The following ZNF292 variants were observed in gnomAD, a reference collection of about 807,000 sequenced individuals.
ZNF292 encodes zinc finger protein 292.
Under a neutral mutation model 217.9 loss-of-function variants are expected in ZNF292, and 26 were observed. That is an observed-to-expected ratio of 0.12 (90% CI 0.09 to 0.17). The LOEUF (loss-of-function observed/expected upper bound fraction) is 0.17, where lower values mean the gene tolerates loss of function less well. Among genes scored for constraint, ZNF292 ranks in the 10% least tolerant of loss-of-function variants. ZNF292 has a pLI of 1.00. For missense variants in ZNF292, 2,904 were observed against 3,175.2 expected (o/e 0.91, Z 2.05); for synonymous variants, 1,257 against 1,124.1 (o/e 1.12, Z -2.37).
chr6:87,228,143 T>G (rs1320526285), intron 4 of ZNF292, among the ~76,000 whole-genome samples: 1 of 152,226 alleles, frequency 6.6e-6, no homozygotes, highest in Non-Finnish European at 1.5e-5. Flanking sequence ...CTACTGGGTG[T>G]GAGGTGATAT....
At position 87,257,921 on chromosome 6, in the gene ZNF292, C is replaced by G. The variant is rs980777319; in HGVS notation, c.4292C>G (p.Ala1431Gly). The G allele has an allele frequency of 4.3e-6, 7 of 1,613,774 alleles. No individual in the cohort carries two copies. The highest frequency in any genetic ancestry group is 5.9e-6 in the Non-Finnish European group (7 of 1,179,834). ...GCCAGCATGATTCTCTCCACAAATG[C>G]AGTAAATTTGCAGCAGCCACAACAA... is the stretch of plus-strand genomic sequence containing the variant. ...LLASMILSTNAVNLQQPQQST... is the reference protein window; with the variant it reads ...LLASMILSTNGVNLQQPQQST... The change falls in exon 8 of 8, where the codon GCA becomes GGA. Residue 1431 changes from alanine (A) to glycine (G), a missense_variant. By Grantham distance (60) the Ala-to-Gly change is moderately conservative. This residue lies in a region of ZNF292 where 622 missense variants were observed against 573.1 expected (regional missense o/e 1.09). Coordinates refer to ENST00000369577, the MANE Select transcript of ZNF292 (RefSeq NM_015021.3).
intron 1 of ZNF292, among the ~76,000 whole-genome samples, chr6:87,166,774 G>T (rs1770929439): frequency 6.6e-6 from 1 of 152,172 alleles, no homozygotes; most frequent in Non-Finnish European, 1.5e-5. Flanking sequence ...AAATATGTAT[G>T]CATTTGTTGC....
chr6:87,260,387 A>G lies in ZNF292; in HGVS notation c.6758A>G (p.Asp2253Gly), dbSNP rs370019013. ...IGLRASKTEE[D>G]GVYKCDCEGC... is the part of the protein sequence containing the mutation. The stretch of plus-strand genomic sequence containing the variant: ...CTAAGGGCAAGTAAAACAGAAGAAG[A>G]TGGTGTATACAAATGTGATTGTGAA... Residue 2253 changes from aspartate (D) to glycine (G), a missense_variant, in exon 8 of 8, where the codon GAT (aspartate) becomes GGT (glycine). This residue lies in a region of ZNF292 where 55 missense variants were observed against 99.8 expected (regional missense o/e 0.55). Transcript: ENST00000369577. 7 of 1,613,456 alleles carry G rather than the reference A, an allele frequency of 4.3e-6. No individual in the cohort carries two copies. The African/African-American group carries it at 9.3e-5, about 22-fold the overall frequency.
At chr6:87,225,936 T>C (rs981047734) in intron 4 of ZNF292, among the ~76,000 whole-genome samples, 1 of 152,210 alleles carries the variant, frequency 6.6e-6, no homozygotes, top group Admixed American at 6.5e-5. Flanking sequence ...GAGTTAGGTG[T>C]CATCTTGGGT....
Position 87,259,573 on chromosome 6 carries a change from TTAAAAA to T in ZNF292, c.5946_5951del (p.Leu1982_Ile1984delinsPhe). 6.3e-7 allele frequency: 1 copy of T among 1,577,082 alleles called. No individual in the cohort carries two copies. Among genetic ancestry groups the T allele is most frequent in the East Asian group, 2.3e-5 (1 of 43,208 alleles). On this transcript the variant is annotated inframe_deletion, in exon 8 of 8. Transcript: ENST00000369577. ...TTTTACAACTGAAGAAATGGTAAAG[TTAAAAA>T]TTAAAAGGCCTTATGGAAGAAAATC...
chr6:87,175,825 A>T lies in ZNF292; in HGVS notation c.168+20066A>T, dbSNP rs143372082. ...AGTTTGGGGCTTTTGGAAAATCAGA[A>T]GATCTGGCAATATTGAACTGATGCC... On this transcript the variant is annotated intron_variant, in intron 1 of 7. Coordinates refer to ENST00000369577, the MANE Select transcript of ZNF292 (RefSeq NM_015021.3). Among the ~76,000 whole-genome samples the T allele has an allele frequency of 6.7e-3, 1,028 of 152,340 alleles. 10 individuals carry two copies. Among genetic ancestry groups the T allele is most frequent in the African/African-American group, 0.023 (960 of 41,566 alleles).
intron 1 of ZNF292, among the ~76,000 whole-genome samples, chr6:87,158,902 C>T (rs1332412486): frequency 2.6e-5 from 4 of 152,136 alleles, no homozygotes; most frequent in Admixed American, 6.5e-5. Context: ...GATAGTCACA[C>T]GCTTCAAGAA....
chr6:87,253,735 AATAGAGGCCCT>A (rs1220923530), intron 7 of ZNF292, among the ~76,000 whole-genome samples: 14 of 152,142 alleles, frequency 9.2e-5, no homozygotes, highest in African/African-American at 3.4e-4. Context: ...ACTTAATGAA[AATAGAGGCCCT>A]ATCAGTTCTC....
chr6:87,254,148 G>A (rs569102017), intron 7 of ZNF292, among the ~76,000 whole-genome samples: 4 of 152,266 alleles, frequency 2.6e-5, no homozygotes, highest in African/African-American at 9.6e-5. Flanking sequence ...TTGGAAATAT[G>A]GGGATGTTCT....
In ZNF292 at chr6:87,217,912, TC is replaced by T. The variant is rs199964269; in HGVS notation, c.403-683del. 3.6e-3 allele frequency among the ~76,000 whole-genome samples: 551 copies of T among 152,274 alleles called. 2 individuals carry two copies. The highest frequency in any genetic ancestry group is 0.013 in the African/African-American group (530 of 41,584). ...CCTGTGTTTTAACTATTTAAACATT[TC>T]TTTACCCAGAGGATAAGCCCCATAA... On this transcript the variant is annotated intron_variant, in intron 3 of 7. Transcript: ENST00000369577.
chr6:87,160,497 G>C (rs1010091665), intron 1 of ZNF292, among the ~76,000 whole-genome samples: 5 of 120,038 alleles, frequency 4.2e-5, no homozygotes, highest in Non-Finnish European at 5.4e-5. Context: ...ATATATGTGT[G>C]TGTGTGTGTG....
chr6:87,170,757 A>G (rs1771072361), intron 1 of ZNF292, among the ~76,000 whole-genome samples: 1 of 152,210 alleles, frequency 6.6e-6, no homozygotes, highest in South Asian at 2.1e-4. Context: ...CCCATTAGAT[A>G]CTGTGAATTA....
At chr6:87,252,037 AAAAGGCTC>A (rs1237271036) in intron 7 of ZNF292, among the ~76,000 whole-genome samples, 1 of 152,214 alleles carries the variant, frequency 6.6e-6, no homozygotes, top group African/African-American at 2.4e-5. Flanking sequence ...ATTCCTGGAG[AAAAGGCTC>A]AATATTCATA....
At chr6:87,242,312 A>G (rs1774333185) in intron 5 of ZNF292, among the ~76,000 whole-genome samples, 1 of 152,158 alleles carries the variant, frequency 6.6e-6, no homozygotes, top group African/African-American at 2.4e-5. Flanking sequence ...GTAATCATTT[A>G]TGTTGAACAC....
At chr6:87,198,183 TA>T (rs1772011488) in intron 1 of ZNF292, among the ~76,000 whole-genome samples, 3 of 23,910 alleles carry the variant, frequency 1.3e-4, no homozygotes, top group African/African-American at 8.1e-4. Context: ...ATGTTTATTT[TA>T]TTTATTTATT....
At position 87,155,581 on chromosome 6, in the gene ZNF292, G is replaced by C. The variant is rs1448423557; in HGVS notation, c.-11G>C. On this transcript the variant is annotated 5_prime_UTR_variant, in exon 1 of 8. Transcript: ENST00000369577. ...GACCCAGGTGCGTACGCGACGGAGC[G>C]GGGTGTGAAGATGGCGGACGAAGAG... is the stretch of plus-strand genomic sequence containing the variant. The C allele has an allele frequency of 3.2e-6, 5 of 1,573,426 alleles. No individual in the cohort carries two copies. In the East Asian group the frequency reaches 7.0e-5, roughly 22 times the overall value.
At chr6:87,201,647 G>A (rs924637345) in intron 1 of ZNF292, among the ~76,000 whole-genome samples, 2 of 151,958 alleles carry the variant, frequency 1.3e-5, no homozygotes, top group African/African-American at 4.8e-5. Flanking sequence ...CAAGTGATCC[G>A]CCCACCTCAG....
intron 1 of ZNF292, among the ~76,000 whole-genome samples, chr6:87,182,554 G>A (rs1771501870): frequency 6.6e-6 from 1 of 152,164 alleles, no homozygotes; most frequent in Non-Finnish European, 1.5e-5. Flanking sequence ...ATTTATTAGT[G>A]CTAACTTGTT....
chr6:87,242,530 A>C (rs895292753), intron 5 of ZNF292, among the ~76,000 whole-genome samples: 1 of 152,162 alleles, frequency 6.6e-6, no homozygotes, highest in African/African-American at 2.4e-5. Context: ...TATTTTATGA[A>C]AGAGAGAAAA....
Sources: gnomAD v4.1 joint callset for allele counts (sites outside exome capture counted in the v4.1 genomes callset) on GRCh38, gnomAD v4.1.1 for gene constraint, gnomAD v4.1.1 regional missense constraint, MANE v1.5 for transcripts, NCBI Gene and HGNC (gene_info 2026-07-23, HGNC 2026-07-21) for gene names.